Variants in BCAS3 observed in about 807,000 individuals in gnomAD.
The protein encoded by BCAS3 is BCAS4/BCAS3 fusion.
In BCAS3, 53 loss-of-function variants were observed where a neutral mutation model predicts 116.1. That is an observed-to-expected ratio of 0.46 (90% CI 0.37 to 0.57). The LOEUF is 0.57. Among genes scored for constraint, BCAS3 ranks in the 20% least tolerant of loss-of-function variants. BCAS3 has a pLI of 0.00. For synonymous variants in BCAS3, 391 were observed against 408.2 expected, an observed-to-expected ratio of 0.96 and a Z score of 0.51; for missense variants, 917 against 1,165.4, an observed-to-expected ratio of 0.79 and a Z score of 3.10.
intron 22 of BCAS3, among the ~76,000 whole-genome samples, chr17:61,283,672 C>T (rs2051445553): frequency 6.6e-6 from 1 of 152,026 alleles, no homozygotes; most frequent in Non-Finnish European, 1.5e-5. Context: ...CCAGGATGGT[C>T]TCAATCTTCT....
chr17:60,863,381 A>C (rs940303031), intron 7 of BCAS3, among the ~76,000 whole-genome samples: 2 of 152,116 alleles, frequency 1.3e-5, no homozygotes, highest in African/African-American at 2.4e-5. Context: ...GGTTCAGTTC[A>C]AGATGACCCC....
At chr17:61,070,393 A>ATATATATATATATATATATT (rs1223919522) in intron 19 of BCAS3, 1 of 162,524 alleles carries the variant, frequency 6.2e-6, no homozygotes, top group Non-Finnish European at 1.2e-5. Flanking sequence ...ATATATATAT[A>ATATATATATATATATATATT]TATATATCTT....
chr17:61,076,679 G>A (rs1245570610), intron 20 of BCAS3, among the ~76,000 whole-genome samples: 2 of 152,204 alleles, frequency 1.3e-5, no homozygotes, highest in African/African-American at 2.4e-5. Flanking sequence ...AGAGTGAATA[G>A]GAACATCTGG....
chr17:60,898,664 G>A (rs1021706926), intron 10 of BCAS3, among the ~76,000 whole-genome samples: 1 of 152,154 alleles, frequency 6.6e-6, no homozygotes, highest in Admixed American at 6.5e-5. Flanking sequence ...GGTTACAAGT[G>A]GGCTGATTGT....
At chr17:60,924,185 G>A (rs140103481) in intron 12 of BCAS3, among the ~76,000 whole-genome samples, 250 of 152,238 alleles carry the variant, frequency 1.6e-3, no homozygotes, top group African/African-American at 5.8e-3. Context: ...AGTCAAGTCA[G>A]CTGACTCTTT....
intron 22 of BCAS3, among the ~76,000 whole-genome samples, chr17:61,231,869 CAAA>C (rs72247548): frequency 4.0e-5 from 4 of 100,432 alleles, no homozygotes; most frequent in African/African-American, 4.4e-5. Flanking sequence ...GACCCTGTCT[CAAA>C]AAAAAAAAAA....
chr17:61,093,191 A>G (rs975201219), intron 22 of BCAS3, among the ~76,000 whole-genome samples: 14 of 152,140 alleles, frequency 9.2e-5, no homozygotes, highest in African/African-American at 2.9e-4. Context: ...TACAAGTATA[A>G]GCCACCATGC....
rs2051837649 is a variant in BCAS3, at chr17:61,286,793, C to T, written c.2426-81534C>T. The stretch of plus-strand genomic sequence containing the variant: ...GAAGTTAGCATATTGAGGCAAATTA[C>T]ACTACAGAGATCCTGGCCAGGGTGA... On this transcript the variant is annotated intron_variant, in intron 22 of 23. Transcript: ENST00000407086. This position sits in a 1 kb window ranked among gnomAD's most constrained non-coding sequence, Gnocchi z 4.8. Among the ~76,000 whole-genome samples the T allele has an allele frequency of 6.6e-6, 1 of 152,186 alleles. No individual in the cohort carries two copies.
chr17:60,955,450 T>C (rs566280521), intron 14 of BCAS3, among the ~76,000 whole-genome samples: 4 of 149,166 alleles, frequency 2.7e-5, no homozygotes, highest in Non-Finnish European at 5.9e-5. Flanking sequence ...GCAGTGGCGC[T>C]ATCTCAGCTC....
At chr17:61,091,514 G>A (rs556410721) in intron 22 of BCAS3, among the ~76,000 whole-genome samples, 2 of 152,298 alleles carry the variant, frequency 1.3e-5, no homozygotes, top group African/African-American at 4.8e-5. Context: ...GTCTGCAAGA[G>A]CCTGAGAGGC....
chr17:60,998,642 T>C (rs1600338252), intron 15 of BCAS3, among the ~76,000 whole-genome samples: 1 of 152,180 alleles, frequency 6.6e-6, no homozygotes, highest in East Asian at 1.9e-4. Flanking sequence ...TTTTGAGAAG[T>C]GTCTGTTCAT....
Position 61,088,311 on chromosome 17 carries a change from A to T in BCAS3, c.2425+3747A>T, listed in dbSNP as rs2073251513. ...GGAAATGGACACATTATAGGATTTT[A>T]ACCTAAGACACAGGCTACCCAGAAC... On this transcript the variant is annotated intron_variant, in intron 22 of 23. Coordinates refer to ENST00000407086, the MANE Select transcript of BCAS3 (RefSeq NM_017679.5). The surrounding 1 kb of genome is among the most constrained non-coding windows in gnomAD (Gnocchi z 4.2). Among the ~76,000 whole-genome samples, 2 of 152,242 alleles carry T rather than the reference A, an allele frequency of 1.3e-5. No homozygotes were observed. The highest frequency in any genetic ancestry group is 4.8e-5 in the African/African-American group (2 of 41,456).
intron 22 of BCAS3, among the ~76,000 whole-genome samples, chr17:61,127,046 A>G (rs941951930): frequency 1.3e-5 from 2 of 152,172 alleles, no homozygotes; most frequent in Admixed American, 1.3e-4. Flanking sequence ...CAAAAGAAAA[A>G]AGAGAGAAAA....
chr17:61,338,485 G>A (rs114757653), intron 22 of BCAS3, among the ~76,000 whole-genome samples: 2 of 148,694 alleles, frequency 1.3e-5, no homozygotes, highest in African/African-American at 4.9e-5. Context: ...TGTGTTTGAA[G>A]TATCTTTGTG....
In BCAS3 at chr17:61,391,697, C is replaced by T. The variant is rs1294717923; in HGVS notation, c.2594-280C>T. On this transcript the variant is annotated intron_variant, in intron 23 of 23. Coordinates refer to ENST00000407086, the MANE Select transcript of BCAS3 (RefSeq NM_017679.5). The surrounding 1 kb of genome is among the most constrained non-coding windows in gnomAD (Gnocchi z 7.7). The stretch of plus-strand genomic sequence containing the variant: ...GAAGAGCTGTGTAGTCCACACACAT[C>T]GTCAGGGTGGCCGTGCTTCGGGCCT... 9.1e-6 allele frequency: 4 copies of T among 441,522 alleles called. No homozygotes were observed. The highest frequency in any genetic ancestry group is 4.3e-5 in the East Asian group (1 of 23,026). The allele number at this position is 441,522 out of a possible 1,614,324, so 27.4% of individuals were successfully genotyped here.
intron 5 of BCAS3, among the ~76,000 whole-genome samples, chr17:60,743,881 T>G (rs561824185): frequency 1.3e-5 from 2 of 152,238 alleles, no homozygotes; most frequent in East Asian, 3.9e-4. Context: ...CCCCCACCCC[T>G]TTTTTGGTTT....
At position 61,073,670 on chromosome 17, in the gene BCAS3, A is replaced by G. The variant is rs554762518; in HGVS notation, c.2030-1250A>G. ...ATATAAATGTCTTTTGGTGGTAGAA[A>G]TTATGAGGGTTTTCAGCTTCTCATT... On this transcript the variant is annotated intron_variant, in intron 19 of 23. Transcript: ENST00000407086. This position sits in a 1 kb window ranked among gnomAD's most constrained non-coding sequence, Gnocchi z 4.6. Among the ~76,000 whole-genome samples the G allele has an allele frequency of 1.3e-5, 2 of 152,284 alleles. No individual in the cohort carries two copies. Among genetic ancestry groups the G allele is most frequent in the Non-Finnish European group, 2.9e-5 (2 of 68,028 alleles).
rs374877836 is a variant in BCAS3 at position 61,282,689 on chromosome 17, A to G, written c.2426-85638A>G. Among the ~76,000 whole-genome samples the G allele has an allele frequency of 2.0e-5, 3 of 152,190 alleles. No homozygotes were observed. Among genetic ancestry groups the G allele is most frequent in the South Asian group, 4.1e-4 (2 of 4,830 alleles). On this transcript the variant is annotated intron_variant, in intron 22 of 23. Coordinates refer to ENST00000407086, the MANE Select transcript of BCAS3 (RefSeq NM_017679.5). The surrounding 1 kb of genome is among the most constrained non-coding windows in gnomAD (Gnocchi z 5.9). Reference sequence around the variant, plus strand: ...AAAAGAAGGAAGCCCATCAACACAGAGGATTATGAATCAGACCCTTCCAGA... The same window carrying G: ...AAAAGAAGGAAGCCCATCAACACAGGGGATTATGAATCAGACCCTTCCAGA...
chr17:61,190,892 C>A (rs1417492751), intron 22 of BCAS3, among the ~76,000 whole-genome samples: 1 of 152,014 alleles, frequency 6.6e-6, no homozygotes, highest in Non-Finnish European at 1.5e-5. Flanking sequence ...TGTGAGCCAC[C>A]GTGCCTGGAC....
Sources: gnomAD v4.1 joint callset for allele counts (sites outside exome capture counted in the v4.1 genomes callset) on GRCh38, gnomAD v4.1.1 for gene constraint, Gnocchi (gnomAD v3.1) non-coding constraint, MANE v1.5 for transcripts, NCBI Gene and HGNC (gene_info 2026-07-23, HGNC 2026-07-21) for gene names.